NRG3: variants seen among roughly 807,000 people sequenced by gnomAD.
NRG3 encodes the protein neuregulin 3.
NRG3 carries 31 observed loss-of-function variants against 66.9 expected under a neutral mutation model. The observed-to-expected ratio is 0.46, with a 90% confidence interval of 0.35 to 0.63. The LOEUF (loss-of-function observed/expected upper bound fraction) is 0.63. NRG3 is among the 20% of genes least tolerant of loss of function. The pLI is 0.00. For synonymous variants in NRG3, 393 were observed against 359.4 expected (o/e 1.09, Z -1.06); for missense variants, 910 against 878.9 (o/e 1.04, Z -0.45).
At chr10:82,162,624 G>A (rs1390021614) in intron 1 of NRG3, among the ~76,000 whole-genome samples, 1 of 152,102 alleles carries the variant, frequency 6.6e-6, no homozygotes, top group Non-Finnish European at 1.5e-5. Flanking sequence ...ATACATTGAA[G>A]TGTCAAGTGA....
Position 81,875,994 on chromosome 10 carries a change from C to A in NRG3, c.654C>A (p.Thr218=), listed in dbSNP as rs1015943017. 5 of 1,613,976 alleles carry A rather than the reference C, an allele frequency of 3.1e-6. No individual in the cohort carries two copies. In the African/African-American group the frequency reaches 5.3e-5, roughly 17 times the overall value. The change falls in exon 1 of 9, where the codon ACC becomes ACA. Residue 218 remains threonine (T), a synonymous_variant. Transcript: ENST00000372141. The surrounding 1 kb of genome is among the most constrained non-coding windows in gnomAD (Gnocchi z 5.3). The stretch of plus-strand genomic sequence containing the variant: ...CCCCGGTGCCAGGAACTCCAAGTAC[C>A]CAGGCAATGCCCTCCTGGCCTACTG... The part of the protein sequence containing the change: ...SRPPVPGTPS[T]QAMPSWPTAA...
intron 2 of NRG3, among the ~76,000 whole-genome samples, chr10:82,427,921 T>C (rs2089548590): frequency 6.6e-6 from 1 of 152,018 alleles, no homozygotes; most frequent in African/African-American, 2.4e-5. Flanking sequence ...TATTTCTTCT[T>C]AAGTCAGATT....
At chr10:82,663,888 C>T (rs1280577370) in intron 2 of NRG3, among the ~76,000 whole-genome samples, 1 of 152,180 alleles carries the variant, frequency 6.6e-6, no homozygotes, top group Non-Finnish European at 1.5e-5. Flanking sequence ...AGAGGCATTG[C>T]CTGATTCAGG....
At chr10:82,754,557 T>TA (rs1260441572) in intron 3 of NRG3, among the ~76,000 whole-genome samples, 2 of 148,412 alleles carry the variant, frequency 1.3e-5, no homozygotes, top group Non-Finnish European at 3.0e-5. Flanking sequence ...AAAAAGCAGA[T>TA]AAAGATTGCT....
intron 1 of NRG3, among the ~76,000 whole-genome samples, chr10:82,327,964 T>G (rs1237876194): frequency 6.6e-6 from 1 of 152,154 alleles, no homozygotes; most frequent in African/African-American, 2.4e-5. Flanking sequence ...AGACCTATCA[T>G]ATAAGGGACC....
intron 2 of NRG3, among the ~76,000 whole-genome samples, chr10:82,710,254 G>A (rs17100605): frequency 0.06 from 9,094 of 152,202 alleles, 722 homozygotes; most frequent in African/African-American, 0.19. Flanking sequence ...AATTGTTGCA[G>A]TGTTTAATCA....
chr10:82,788,207 G>T (rs1385524012), intron 3 of NRG3, among the ~76,000 whole-genome samples: 1 of 152,150 alleles, frequency 6.6e-6, no homozygotes, highest in East Asian at 1.9e-4. Flanking sequence ...GAAGGGTTTG[G>T]TTGATCCTAT....
chr10:82,021,180 T>C (rs2062041928), intron 1 of NRG3, among the ~76,000 whole-genome samples: 1 of 152,018 alleles, frequency 6.6e-6, no homozygotes, highest in Non-Finnish European at 1.5e-5. Flanking sequence ...GACCTTTGGG[T>C]CAGGGCATTT....
At position 82,695,056 on chromosome 10, in the gene NRG3, A is replaced by G. The variant is rs146018953; in HGVS notation, c.954-43521A>G. ...TTTATAAAATAGAATATTGTATATT[A>G]TTTAGAAAACAAATTACACAAATGA... On this transcript the variant is annotated intron_variant, in intron 2 of 8. Transcript: ENST00000372141. Among the ~76,000 whole-genome samples, 8 of 152,316 alleles carry G rather than the reference A, an allele frequency of 5.3e-5. No individual in the cohort carries two copies. The East Asian group carries it at 1.5e-3, about 29-fold the overall frequency.
chr10:82,680,436 T>C, intron 2 of NRG3, among the ~76,000 whole-genome samples: 1 of 152,250 alleles, frequency 6.6e-6, no homozygotes, highest in Non-Finnish European at 1.5e-5. Flanking sequence ...ATGAATGCAC[T>C]GAGTCCTTTG....
At chr10:82,475,582 A>G (rs1841698239) in intron 2 of NRG3, among the ~76,000 whole-genome samples, 1 of 152,206 alleles carries the variant, frequency 6.6e-6, no homozygotes, top group Admixed American at 6.5e-5. Flanking sequence ...TACCAAAACC[A>G]TTAAATGAGA....
chr10:81,891,604 C>T (rs144132219), intron 1 of NRG3, among the ~76,000 whole-genome samples: 109 of 152,228 alleles, frequency 7.2e-4, no homozygotes, highest in Middle Eastern at 3.4e-3. Context: ...CATTCCTTTG[C>T]GCAATCTTGG....
intron 1 of NRG3, among the ~76,000 whole-genome samples, chr10:82,034,068 C>T (rs2132920649): frequency 6.6e-6 from 1 of 152,174 alleles, no homozygotes; most frequent in Admixed American, 6.5e-5. Context: ...GGCATTATGG[C>T]AAAAGCAACG....
intron 2 of NRG3, among the ~76,000 whole-genome samples, chr10:82,422,145 T>G (rs1271847337): frequency 2.0e-5 from 3 of 152,118 alleles, no homozygotes; most frequent in Non-Finnish European, 4.4e-5. Context: ...TTTGTGGATG[T>G]GGTTGTTCAT....
chr10:81,927,025 T>G (rs1016632043), intron 1 of NRG3, among the ~76,000 whole-genome samples: 4 of 152,200 alleles, frequency 2.6e-5, no homozygotes, highest in Non-Finnish European at 2.9e-5. Context: ...AAAATAAAAC[T>G]AACCAAGGAG....
At chr10:81,989,842 A>G (rs2060668587) in intron 1 of NRG3, among the ~76,000 whole-genome samples, 1 of 152,124 alleles carries the variant, frequency 6.6e-6, no homozygotes, top group Non-Finnish European at 1.5e-5. Context: ...TGTCTGCAGA[A>G]GCTGGACTGT....
intron 1 of NRG3, among the ~76,000 whole-genome samples, chr10:82,238,335 A>G (rs2076850752): frequency 6.6e-6 from 1 of 152,170 alleles, no homozygotes; most frequent in Non-Finnish European, 1.5e-5. Flanking sequence ...AAGAAAAAAA[A>G]AAGTCCTTAC....
At chr10:82,633,163 T>C (rs1053516838) in intron 2 of NRG3, among the ~76,000 whole-genome samples, 2 of 152,232 alleles carry the variant, frequency 1.3e-5, no homozygotes, top group Non-Finnish European at 2.9e-5. Context: ...AAAATTGTTT[T>C]CCAGAAATCG....
At chr10:81,942,870 G>T (rs1397267561) in intron 1 of NRG3, among the ~76,000 whole-genome samples, 1 of 152,090 alleles carries the variant, frequency 6.6e-6, no homozygotes, top group African/African-American at 2.4e-5. Flanking sequence ...GTGATTCTTT[G>T]ATTAGTCTTT....
Sources: gnomAD v4.1 joint callset for allele counts (sites outside exome capture counted in the v4.1 genomes callset) on GRCh38, gnomAD v4.1.1 for gene constraint, Gnocchi (gnomAD v3.1) non-coding constraint, MANE v1.5 for transcripts, NCBI Gene and HGNC (gene_info 2026-07-23, HGNC 2026-07-21) for gene names.